KLHL8: variants seen among roughly 807,000 people sequenced by gnomAD.
The protein encoded by KLHL8 is kelch like family member 8.
In KLHL8, 38 loss-of-function variants were observed where a neutral mutation model predicts 63.5. The ratio of observed to expected loss-of-function variants is 0.60; its 90% CI spans 0.46 to 0.78. The LOEUF (loss-of-function observed/expected upper bound fraction) is 0.78. Ranked by LOEUF, KLHL8 falls within the 30% of genes least tolerant of loss-of-function variation. The pLI is 0.00. For synonymous variants in KLHL8, 224 were observed against 254.3 expected (o/e 0.88, Z 1.13); for missense variants, 566 against 752.4 (o/e 0.75, Z 2.90).
Position 87,185,925 on chromosome 4 carries a change from T to A in KLHL8, c.217-126A>T, listed in dbSNP as rs956713061. ...TTTAGAGTATCTTTTTATAAGGCGA[T>A]CCTTTGATCACTTACTTTCAAGTAG... On this transcript the variant is annotated intron_variant, in intron 2 of 9. Coordinates refer to ENST00000273963, the MANE Select transcript of KLHL8 (RefSeq NM_020803.5). 12 of 752,696 alleles carry A rather than the reference T, an allele frequency of 1.6e-5. No homozygotes were observed. The African/African-American group carries it at 1.9e-4, about 12-fold the overall frequency. The allele number at this position is 752,696 out of a possible 1,614,324, so 46.6% of individuals were successfully genotyped here.
intron 1 of KLHL8, among the ~76,000 whole-genome samples, chr4:87,208,715 T>TG (rs1732265644): frequency 6.6e-6 from 1 of 152,192 alleles, no homozygotes; most frequent in African/African-American, 2.4e-5. Context: ...ACTAATATCT[T>TG]ATTTTTAAAC....
intron 8 of KLHL8, chr4:87,167,392 G>C (rs1267049750): frequency 2.2e-6 from 1 of 450,774 alleles, no homozygotes. Context: ...CCTGGTCATG[G>C]AGATTTATCT....
chr4:87,229,940 C>T (rs138788379), intron 1 of KLHL8, among the ~76,000 whole-genome samples: 4 of 152,238 alleles, frequency 2.6e-5, no homozygotes, highest in Admixed American at 6.5e-5. Flanking sequence ...TACCTCCCTC[C>T]CTTCTCAACG....
intron 5 of KLHL8, 37 bp from the exon 6 acceptor site, chr4:87,176,905 C>T (rs747593950): frequency 2.0e-6 from 2 of 997,064 alleles, no homozygotes; most frequent in Non-Finnish European, 3.1e-6. Flanking sequence ...TGACTCCAAA[C>T]AAATAAATTC....
chr4:87,232,213 A>G (rs1190162264), intron 1 of KLHL8, among the ~76,000 whole-genome samples: 1 of 152,040 alleles, frequency 6.6e-6, no homozygotes, highest in Non-Finnish European at 1.5e-5. Flanking sequence ...TTTCTCATGT[A>G]TTTCTTTGTA....
rs61613935 is a variant in KLHL8, at chr4:87,208,291, AAAACAAAC to A, written c.-152+12119_-152+12126del. Among the ~76,000 whole-genome samples, 100 of 152,148 alleles carry A rather than the reference AAAACAAAC, an allele frequency of 6.6e-4. No individual in the cohort carries two copies. The East Asian group carries it at 9.3e-3, about 14-fold the overall frequency. On this transcript the variant is annotated intron_variant, in intron 1 of 9. Coordinates refer to ENST00000273963, the MANE Select transcript of KLHL8 (RefSeq NM_020803.5). Reference sequence around the variant, plus strand: ...TAATAAAGTCCCCTATGCTTAGCCAAAAACAAACAAACAAACAAACAAACAAACCTTGG... The same window carrying A: ...TAATAAAGTCCCCTATGCTTAGCCAAAAACAAACAAACAAACAAACCTTGG...
At chr4:87,187,632 A>G (rs576052146) in intron 2 of KLHL8, among the ~76,000 whole-genome samples, 22 of 152,106 alleles carry the variant, frequency 1.4e-4, no homozygotes, top group Non-Finnish European at 3.1e-4. Context: ...TTATTGTTTT[A>G]GGTACCTGCT....
chr4:87,178,171 G>A (rs1337672328), intron 5 of KLHL8, among the ~76,000 whole-genome samples: 3 of 151,772 alleles, frequency 2.0e-5, no homozygotes, highest in Non-Finnish European at 2.9e-5. Context: ...AATTAGATGG[G>A]CATAAAAAAG....
chr4:87,201,356 ACTTCAAAT>A (rs925624112), intron 1 of KLHL8, among the ~76,000 whole-genome samples: 1 of 152,224 alleles, frequency 6.6e-6, no homozygotes, highest in Admixed American at 6.5e-5. Context: ...CATACACCTA[ACTTCAAAT>A]CTTCAAATCT....
At chr4:87,194,930 C>T (rs567490523) in intron 2 of KLHL8, among the ~76,000 whole-genome samples, 1 of 152,072 alleles carries the variant, frequency 6.6e-6, no homozygotes, top group Non-Finnish European at 1.5e-5. Context: ...GTAAACAATC[C>T]AAAATTCCTG....
chr4:87,211,980 G>A (rs1732423463), intron 1 of KLHL8, among the ~76,000 whole-genome samples: 1 of 152,182 alleles, frequency 6.6e-6, no homozygotes, highest in Non-Finnish European at 1.5e-5. Flanking sequence ...CCTTCAGTTA[G>A]TAGTACAGCA....
intron 1 of KLHL8, among the ~76,000 whole-genome samples, chr4:87,234,038 G>A (rs963494113): frequency 6.6e-6 from 1 of 152,196 alleles, no homozygotes; most frequent in Non-Finnish European, 1.5e-5. Context: ...AGTAGAATGA[G>A]TTCTGGGTCC....
At chr4:87,195,778 ATAAC>A (rs1026492986) in intron 1 of KLHL8, 88 bp from the exon 2 acceptor site, 2 of 365,320 alleles carry the variant, frequency 5.5e-6, no homozygotes, top group Non-Finnish European at 9.8e-6. Context: ...TATATGCAAA[ATAAC>A]TATATCAATC....
At chr4:87,186,184 G>A (rs1265184908) in intron 2 of KLHL8, among the ~76,000 whole-genome samples, 7 of 151,770 alleles carry the variant, frequency 4.6e-5, no homozygotes, top group Non-Finnish European at 1.0e-4. Flanking sequence ...GATTACAGGC[G>A]TGCACCACCA....
intron 1 of KLHL8, among the ~76,000 whole-genome samples, chr4:87,209,057 GTACT>G (rs1732279847): frequency 6.6e-6 from 1 of 152,124 alleles, no homozygotes; most frequent in African/African-American, 2.4e-5. Flanking sequence ...CAGGAAAAGA[GTACT>G]TACTCAAAGA....
intron 1 of KLHL8, among the ~76,000 whole-genome samples, chr4:87,205,504 T>C (rs1732089820): frequency 6.6e-6 from 1 of 152,170 alleles, no homozygotes; most frequent in African/African-American, 2.4e-5. Flanking sequence ...TGCATGTAAA[T>C]TAAATCATTT....
upstream of KLHL8, among the ~76,000 whole-genome samples, chr4:87,222,741 G>A (rs1370171048): frequency 6.6e-6 from 1 of 151,820 alleles, no homozygotes; most frequent in Non-Finnish European, 1.5e-5. Context: ...CTGCCACCAC[G>A]CCCGGCTAAT....
chr4:87,176,800 G>A lies in KLHL8; in HGVS notation c.1165C>T (p.Leu389Phe). 2 of 1,607,276 alleles carry A rather than the reference G, an allele frequency of 1.2e-6. No homozygotes were observed. ...GCCTTCATCATCCATTTATTAGTGA[G>A]AGGATCAAACATCTCCATACTCCCT... ...HLGSMEMFDPLTNKWMMKASM... is the reference protein window; with the variant it reads ...HLGSMEMFDPFTNKWMMKASM... The change falls in exon 6 of 10, where the codon CTC becomes TTC. Residue 389 changes from leucine to phenylalanine, a missense_variant. Coordinates refer to ENST00000273963, the MANE Select transcript of KLHL8 (RefSeq NM_020803.5).
intron 3 of KLHL8, among the ~76,000 whole-genome samples, chr4:87,183,602 TG>T (rs1434768427): frequency 6.6e-6 from 1 of 152,192 alleles, no homozygotes; most frequent in Admixed American, 6.5e-5. Flanking sequence ...TTTCCAGTAC[TG>T]GTCTGCTCAA....
Sources: allele counts gnomAD v4.1 joint callset (sites outside exome capture counted in the v4.1 genomes callset), GRCh38; gene constraint gnomAD v4.1.1; transcripts MANE v1.5; gene names NCBI Gene and HGNC (gene_info 2026-07-23, HGNC 2026-07-21).